DTNB: variants seen among roughly 807,000 people sequenced by gnomAD.
DTNB encodes the protein dystrobrevin beta.
DTNB carries 63 observed loss-of-function variants against 90.7 expected under a neutral mutation model. The ratio of observed to expected loss-of-function variants is 0.69; its 90% CI spans 0.57 to 0.86. The LOEUF is 0.86. DTNB is among the 40% of genes least tolerant of loss of function. The pLI, the probability that DTNB is intolerant of heterozygous loss-of-function variation, is 0.00. For synonymous variants in DTNB, 277 were observed against 286.7 expected (o/e 0.97, Z 0.34); for missense variants, 744 against 807.1 (o/e 0.92, Z 0.95).
At chr2:25,523,495 G>A (rs375396845) in intron 9 of DTNB, among the ~76,000 whole-genome samples, 1 of 152,000 alleles carries the variant, frequency 6.6e-6, no homozygotes, top group East Asian at 1.9e-4. Flanking sequence ...CAAAAAGTTA[G>A]CCAGGCATGG....
intron 1 of DTNB, among the ~76,000 whole-genome samples, chr2:25,655,259 G>A (rs535214893): frequency 1.3e-5 from 2 of 152,296 alleles, no homozygotes; most frequent in African/African-American, 2.4e-5. Context: ...TACTACAAGA[G>A]GGCGGTCTCC....
At chr2:25,672,081 C>T (rs2384258) in intron 1 of DTNB, among the ~76,000 whole-genome samples, 1 of 152,052 alleles carries the variant, frequency 6.6e-6, no homozygotes, top group Non-Finnish European at 1.5e-5. Flanking sequence ...GGAGCAAGCT[C>T]TTGAAGGCCA....
At chr2:25,653,519 T>C (rs200638712) in intron 1 of DTNB, among the ~76,000 whole-genome samples, 139 of 130,316 alleles carry the variant, frequency 1.1e-3, no homozygotes, top group African/African-American at 2.3e-3. Flanking sequence ...TTCTTTCTTT[T>C]TTTTTTTTTT....
At chr2:25,552,296 G>T (rs1476816196) in intron 8 of DTNB, among the ~76,000 whole-genome samples, 1 of 152,194 alleles carries the variant, frequency 6.6e-6, no homozygotes, top group Non-Finnish European at 1.5e-5. Flanking sequence ...AGTGAAAGAG[G>T]GATGGAAGGT....
At chr2:25,529,031 AATAAG>A (rs1362052902) in intron 9 of DTNB, among the ~76,000 whole-genome samples, 2 of 152,240 alleles carry the variant, frequency 1.3e-5, no homozygotes, top group African/African-American at 2.4e-5. Context: ...TGAGGAACTC[AATAAG>A]ATGAGTCTAA....
intron 4 of DTNB, among the ~76,000 whole-genome samples, chr2:25,621,446 CTTTT>C (rs35400547): frequency 7.5e-6 from 1 of 132,688 alleles, no homozygotes; most frequent in Non-Finnish European, 1.6e-5. Context: ...GCTAAATCAA[CTTTT>C]TTTTTTTTTT....
intron 9 of DTNB, among the ~76,000 whole-genome samples, chr2:25,523,250 T>C (rs1055132540): frequency 2.0e-5 from 3 of 152,214 alleles, no homozygotes; most frequent in African/African-American, 7.2e-5. Flanking sequence ...CAAAGTACTA[T>C]GTGAACACTG....
intron 9 of DTNB, among the ~76,000 whole-genome samples, chr2:25,486,229 A>C (rs1461170489): frequency 6.6e-6 from 1 of 152,162 alleles, no homozygotes; most frequent in African/African-American, 2.4e-5. Flanking sequence ...TTGGGAGGCC[A>C]AGGCAGGCAG....
At chr2:25,659,161 T>C (rs918743912) in intron 1 of DTNB, among the ~76,000 whole-genome samples, 3 of 152,038 alleles carry the variant, frequency 2.0e-5, no homozygotes, top group South Asian at 4.1e-4. Flanking sequence ...ATTATATATG[T>C]ATGAAATGAC....
At chr2:25,599,006 G>A (rs1190188564) in intron 5 of DTNB, 1 of 151,962 alleles carries the variant, frequency 6.6e-6, no homozygotes, top group Non-Finnish European at 1.5e-5. Flanking sequence ...AAGGCAATTA[G>A]ACTGTTAATG....
chr2:25,391,672 CACAAA>C (rs2041161549), intron 16 of DTNB, among the ~76,000 whole-genome samples: 1 of 152,020 alleles, frequency 6.6e-6, no homozygotes, highest in Non-Finnish European at 1.5e-5. Context: ...TAGGATAGGC[CACAAA>C]ACAAGTCTCA....
chr2:25,543,591 A>G (rs2081796851), intron 8 of DTNB, among the ~76,000 whole-genome samples: 1 of 152,216 alleles, frequency 6.6e-6, no homozygotes, highest in African/African-American at 2.4e-5. Flanking sequence ...GGCATGAGCC[A>G]CTGCGCCTGG....
At chr2:25,402,972 A>G (rs1369559853) in intron 16 of DTNB, among the ~76,000 whole-genome samples, 1 of 152,262 alleles carries the variant, frequency 6.6e-6, no homozygotes, top group Non-Finnish European at 1.5e-5. Context: ...AGAACAACCT[A>G]TTAAAACTCA....
At chr2:25,584,905 A>T (rs936932406) in intron 6 of DTNB, among the ~76,000 whole-genome samples, 1 of 152,308 alleles carries the variant, frequency 6.6e-6, no homozygotes, top group Non-Finnish European at 1.5e-5. Flanking sequence ...AACCCATATA[A>T]ATAAAAGCTC....
At chr2:25,391,880 G>A (rs2041222534) in intron 16 of DTNB, among the ~76,000 whole-genome samples, 1 of 152,142 alleles carries the variant, frequency 6.6e-6, no homozygotes, top group Non-Finnish European at 1.5e-5. Context: ...CTGAATAATA[G>A]TGACAGAATC....
intron 12 of DTNB, among the ~76,000 whole-genome samples, chr2:25,443,157 T>G (rs776155128): frequency 6.6e-6 from 1 of 151,936 alleles, no homozygotes. Flanking sequence ...GCCAGAGCAA[T>G]GAAAGGCAAA....
intron 8 of DTNB, among the ~76,000 whole-genome samples, chr2:25,552,039 T>A (rs2056378863): frequency 6.6e-6 from 1 of 152,248 alleles, no homozygotes; most frequent in Non-Finnish European, 1.5e-5. Context: ...GTAGAAAACA[T>A]AACTGCTCAT....
chr2:25,631,060 G>A (rs1011626073), intron 3 of DTNB, among the ~76,000 whole-genome samples: 3 of 152,086 alleles, frequency 2.0e-5, no homozygotes, highest in Admixed American at 6.6e-5. Context: ...TGAAGGGAAT[G>A]TGGAGTGACT....
chr2:25,541,572 G>A (rs760093530), intron 8 of DTNB, among the ~76,000 whole-genome samples: 11 of 152,054 alleles, frequency 7.2e-5, no homozygotes, highest in East Asian at 3.9e-4. Context: ...ATGTTGTTGC[G>A]CAACCAATCT....
Sources: allele counts gnomAD v4.1 joint callset (sites outside exome capture counted in the v4.1 genomes callset), GRCh38; gene constraint gnomAD v4.1.1; transcripts MANE v1.5; gene names NCBI Gene and HGNC (gene_info 2026-07-23, HGNC 2026-07-21).